Variants in CADPS observed in about 807,000 individuals in gnomAD.
The protein encoded by CADPS is calcium dependent secretion activator, also known as calcium-dependent secretion activator 1.
In CADPS, 57 loss-of-function variants were observed where a neutral mutation model predicts 167.3. The ratio of observed to expected loss-of-function variants is 0.34; its 90% CI spans 0.28 to 0.42. CADPS has a LOEUF of 0.42. Ranked by LOEUF, CADPS falls within the 20% of genes least tolerant of loss-of-function variation. CADPS has a pLI of 1.00. For missense variants in CADPS, 1,414 were observed against 1,738.1 expected, an observed-to-expected ratio of 0.81 and a Z score of 3.32; for synonymous variants, 676 against 635.3, an observed-to-expected ratio of 1.06 and a Z score of -0.96.
intron 1 of CADPS, among the ~76,000 whole-genome samples, chr3:62,827,561 C>T (rs894360307): frequency 3.9e-5 from 6 of 152,140 alleles, no homozygotes; most frequent in African/African-American, 1.4e-4. Context: ...ATTCATACTC[C>T]TAGCAGTTAT....
chr3:62,554,462 G>A (rs181966468), intron 10 of CADPS, among the ~76,000 whole-genome samples: 18 of 152,110 alleles, frequency 1.2e-4, no homozygotes, highest in Admixed American at 1.0e-3. Flanking sequence ...ACACAAAATC[G>A]CCACCAGGTG....
At chr3:62,473,960 C>T (rs1016867190) in intron 24 of CADPS, 8 of 440,036 alleles carry the variant, frequency 1.8e-5, no homozygotes, top group Admixed American at 1.2e-4. Flanking sequence ...AGCCAAGAAT[C>T]ACTTCCAAGT....
At chr3:62,467,594 G>T (rs746588039) in intron 24 of CADPS, among the ~76,000 whole-genome samples, 5 of 152,006 alleles carry the variant, frequency 3.3e-5, no homozygotes, top group Non-Finnish European at 7.4e-5. Flanking sequence ...GTGCAAAGTT[G>T]GGAAGTCATG....
intron 17 of CADPS, among the ~76,000 whole-genome samples, chr3:62,509,580 C>A (rs2067348877): frequency 6.6e-6 from 1 of 152,134 alleles, no homozygotes; most frequent in South Asian, 2.1e-4. Flanking sequence ...ATCACACAAT[C>A]TTCCTGGAAG....
chr3:62,592,859 C>G lies in CADPS; in HGVS notation c.1326-111G>C, dbSNP rs1011544093. 2.7e-5 allele frequency: 17 copies of G among 626,698 alleles called. No homozygotes were observed. The Middle Eastern group carries it at 1.0e-3, about 39-fold the overall frequency. The allele number at this position is 626,698 out of a possible 1,614,324, so 38.8% of individuals were successfully genotyped here. A position where few individuals can be genotyped will look rare whatever the true frequency, so the allele number is the denominator to read the frequency against. ...CAGGGTTAACCCAAGGCAGCATTAG[C>G]TGTCACATCCTCTTCTCCTCCCCTT... On this transcript the variant is annotated intron_variant, in intron 6 of 29. Coordinates refer to ENST00000383710, the MANE Select transcript of CADPS (RefSeq NM_003716.4).
rs1190069734 is a variant in CADPS at position 62,474,434 on chromosome 3, T to A, written c.3330-114A>T. 1.4e-5 allele frequency: 13 copies of A among 941,646 alleles called. No homozygotes were observed. The East Asian group carries it at 2.4e-4, about 18-fold the overall frequency. The allele number at this position is 941,646 out of a possible 1,614,324, so 58.3% of individuals were successfully genotyped here. A position where few individuals can be genotyped will look rare whatever the true frequency, so the allele number is the denominator to read the frequency against. The stretch of plus-strand genomic sequence containing the variant: ...AATTGAAGGCTGTAATCAGTTTCAG[T>A]CAACAATGACTTCACATGTGTTCCC... On this transcript the variant is annotated intron_variant, in intron 23 of 29. Coordinates refer to ENST00000383710, the MANE Select transcript of CADPS (RefSeq NM_003716.4).
intron 26 of CADPS, among the ~76,000 whole-genome samples, chr3:62,450,084 TAGTC>T (rs1412866039): frequency 6.6e-6 from 1 of 152,162 alleles, no homozygotes; most frequent in Non-Finnish European, 1.5e-5. Flanking sequence ...CTGGTGGTGA[TAGTC>T]AGTTTCACTC....
intron 13 of CADPS, among the ~76,000 whole-genome samples, chr3:62,519,690 G>T (rs544525567): frequency 6.6e-6 from 1 of 152,274 alleles, no homozygotes; most frequent in South Asian, 2.1e-4. Flanking sequence ...TGTGATCATA[G>T]CTCACTGTGG....
chr3:62,782,748 G>A (rs1446365190), intron 1 of CADPS, among the ~76,000 whole-genome samples: 5 of 149,642 alleles, frequency 3.3e-5, no homozygotes, highest in Non-Finnish European at 5.9e-5. Context: ...TGCATATAGT[G>A]TAGCATTTCT....
intron 13 of CADPS, among the ~76,000 whole-genome samples, chr3:62,521,091 G>A (rs2070443433): frequency 6.6e-6 from 1 of 152,284 alleles, no homozygotes; most frequent in South Asian, 2.1e-4. Flanking sequence ...ACCTGGATTG[G>A]TTGGTCCCCT....
intron 1 of CADPS, among the ~76,000 whole-genome samples, chr3:62,843,322 T>C (rs1439634187): frequency 6.6e-6 from 1 of 152,248 alleles, no homozygotes; most frequent in East Asian, 1.9e-4. Context: ...GCCACAAGTA[T>C]TTCTGCATTA....
intron 1 of CADPS, among the ~76,000 whole-genome samples, chr3:62,815,757 G>C (rs304231): frequency 0.21 from 31,499 of 151,704 alleles, 3,388 homozygotes; most frequent in Middle Eastern, 0.36. Flanking sequence ...GTTTTTCTCT[G>C]TGTGTGTGTC....
intron 6 of CADPS, among the ~76,000 whole-genome samples, chr3:62,605,598 A>C (rs2060589470): frequency 6.6e-6 from 1 of 152,174 alleles, no homozygotes; most frequent in African/African-American, 2.4e-5. Flanking sequence ...CAGGCTCTGG[A>C]ATCTGGCAGC....
At chr3:62,444,628 G>C (rs987558663) in intron 27 of CADPS, among the ~76,000 whole-genome samples, 2 of 152,168 alleles carry the variant, frequency 1.3e-5, no homozygotes, top group East Asian at 3.9e-4. Context: ...GAGGTTTGTG[G>C]ATAGGAAGTA....
At chr3:62,557,655 T>C (rs1014280785) in intron 9 of CADPS, 142 bp from the exon 10 acceptor site, 7 of 670,582 alleles carry the variant, frequency 1.0e-5, no homozygotes, top group Non-Finnish European at 1.1e-5. Context: ...CTGTGTGACG[T>C]TGAGCATGTT....
chr3:62,432,599 ATGATGATGATGATAG>A (rs1475546836), intron 28 of CADPS, among the ~76,000 whole-genome samples: 1 of 152,122 alleles, frequency 6.6e-6, no homozygotes, highest in Non-Finnish European at 1.5e-5. Context: ...TTCCATTTTG[ATGATGATGATGATAG>A]TGATGATGAT....
chr3:62,748,999 T>C (rs968749460), intron 3 of CADPS, among the ~76,000 whole-genome samples: 10 of 152,246 alleles, frequency 6.6e-5, no homozygotes, highest in Admixed American at 3.3e-4. Flanking sequence ...CTTACTTTTT[T>C]TGAGTTACCT....
chr3:62,572,285 AAGTGC>A (rs1488712193), intron 8 of CADPS, among the ~76,000 whole-genome samples: 1 of 152,120 alleles, frequency 6.6e-6, no homozygotes, highest in East Asian at 1.9e-4. Flanking sequence ...CTCAGTCGCC[AAGTGC>A]AGTTGAGTTT....
In CADPS at chr3:62,577,884, A is replaced by G. The variant is rs147643383; in HGVS notation, c.1578-6946T>C. Among the ~76,000 whole-genome samples, 21 of 152,374 alleles carry G rather than the reference A, an allele frequency of 1.4e-4. 1 individual carries two copies. The highest frequency in any genetic ancestry group is 3.4e-3 in the Middle Eastern group (1 of 294). ...AACAATACAATAAAGAAGACAAAGTAGAATCACAAAGATATTCAGCTAATT... is the reference window on the plus strand; with the variant it reads ...AACAATACAATAAAGAAGACAAAGTGGAATCACAAAGATATTCAGCTAATT... On this transcript the variant is annotated intron_variant, in intron 8 of 29. Coordinates refer to ENST00000383710, the MANE Select transcript of CADPS (RefSeq NM_003716.4).
Sources: allele counts gnomAD v4.1 joint callset (sites outside exome capture counted in the v4.1 genomes callset), GRCh38; gene constraint gnomAD v4.1.1; transcripts MANE v1.5; gene names NCBI Gene and HGNC (gene_info 2026-07-23, HGNC 2026-07-21).